The following TRRAP variants were observed in gnomAD, a reference collection of about 807,000 sequenced individuals.
TRRAP encodes the protein transformation/transcription domain-associated protein.
TRRAP carries 41 observed loss-of-function variants against 438.8 expected under a neutral mutation model. That is an observed-to-expected ratio of 0.09 (90% CI 0.07 to 0.12). TRRAP has a LOEUF of 0.12. TRRAP is among the 10% of genes least tolerant of loss of function. The pLI is 1.00. For missense variants in TRRAP, 3,122 were observed against 5,055.1 expected, an observed-to-expected ratio of 0.62 and a Z score of 11.60; for synonymous variants, 1,994 against 1,962.9, an observed-to-expected ratio of 1.02 and a Z score of -0.42.
intron 21 of TRRAP, among the ~76,000 whole-genome samples, chr7:98,923,777 C>T (rs1253971847): frequency 1.3e-5 from 2 of 152,224 alleles, no homozygotes; most frequent in Admixed American, 1.3e-4. Context: ...TCACCCTCTC[C>T]TGGTTCCTCA....
At chr7:98,905,339 C>G (rs535144760) in intron 12 of TRRAP, among the ~76,000 whole-genome samples, 1 of 152,230 alleles carries the variant, frequency 6.6e-6, no homozygotes, top group South Asian at 2.1e-4. Context: ...TTCTTTTATG[C>G]CTTTGACCCT....
intron 67 of TRRAP, chr7:98,999,514 T>C (rs1793823083): frequency 1.4e-6 from 1 of 737,696 alleles, no homozygotes. Flanking sequence ...AGAGACAATA[T>C]TGGGGTGCAC....
chr7:98,915,537 T>C (rs1213214267), intron 18 of TRRAP, among the ~76,000 whole-genome samples, 186 bp from the exon 19 acceptor site: 5 of 152,190 alleles, frequency 3.3e-5, no homozygotes, highest in Non-Finnish European at 7.4e-5. Flanking sequence ...TACCAACATA[T>C]ACTTTAAGAT....
chr7:98,912,238 T>G (rs559483610), intron 18 of TRRAP, 25 bp downstream of exon 18: 25 of 1,608,284 alleles, frequency 1.6e-5, no homozygotes, highest in Admixed American at 5.1e-5. Flanking sequence ...ATCTAAGTAG[T>G]GCTTCTGTTC....
chr7:98,953,227 T>C lies in TRRAP; in HGVS notation c.5524T>C (p.Tyr1842His). 5 of 1,613,002 alleles carry C rather than the reference T, an allele frequency of 3.1e-6. No individual in the cohort carries two copies. Among genetic ancestry groups the C allele is most frequent in the Non-Finnish European group, 3.4e-6 (4 of 1,179,890 alleles). ...LDSLRIYLLQ[Y>H]ATLLVEHAPH... ...CTCGCTGCGGATCTACCTGCTGCAGTACGCCACGCTGCTGGTGGAGCACGC... is the reference window on the plus strand; with the variant it reads ...CTCGCTGCGGATCTACCTGCTGCAGCACGCCACGCTGCTGGTGGAGCACGC... The change falls in exon 40 of 73, where the codon TAC (tyrosine) becomes CAC (histidine). Residue 1842 changes from tyrosine (Y) to histidine (H), a missense_variant. This residue lies in a region of TRRAP where 272 missense variants were observed against 348.5 expected (regional missense o/e 0.78). Coordinates refer to ENST00000456197, the MANE Select transcript of TRRAP (RefSeq NM_001375524.1).
intron 67 of TRRAP, chr7:98,999,579 G>A: frequency 4.0e-6 from 3 of 750,060 alleles, no homozygotes; most frequent in Non-Finnish European, 7.2e-6. Flanking sequence ...CACTGCCACT[G>A]TGTTCTTCCC....
rs782515379 is a variant in TRRAP, at chr7:98,921,745, AT to A, written c.2623-4del. 1 of 1,613,888 alleles carries A rather than the reference AT, an allele frequency of 6.2e-7. No homozygotes were observed. ...AGAGGACCTTAATGAAAGCACGCTG[AT>A]TTTCAGGCTCTGTGGCGCACCTTAC... On this transcript the variant is annotated splice_polypyrimidine_tract_variant and splice_region_variant and intron_variant, in intron 20 of 72. Coordinates refer to ENST00000456197, the MANE Select transcript of TRRAP (RefSeq NM_001375524.1).
chr7:98,992,867 G>A (rs559276482), intron 65 of TRRAP, among the ~76,000 whole-genome samples: 1 of 152,292 alleles, frequency 6.6e-6, no homozygotes, highest in East Asian at 1.9e-4. Context: ...AGGGCTGCAT[G>A]GCACATTTCA....
chr7:98,970,364 G>C, intron 52 of TRRAP, 73 bp downstream of exon 52: 3 of 1,535,806 alleles, frequency 2.0e-6, no homozygotes, highest in Non-Finnish European at 2.6e-6. Context: ...CAGAATCCCA[G>C]AGAGGAGGTG....
chr7:98,890,284 T>C, intron 3 of TRRAP, 51 bp from the exon 4 acceptor site: 1 of 1,219,956 alleles, frequency 8.2e-7, no homozygotes. Flanking sequence ...AAATTTGAAA[T>C]GAAAATACAT....
rs782409632 is a variant in TRRAP, at chr7:98,942,944, A to G, written c.4405-5A>G. 3.0e-5 allele frequency: 48 copies of G among 1,614,082 alleles called. No individual in the cohort carries two copies. The Admixed American group carries it at 8.0e-4, about 27-fold the overall frequency. On this transcript the variant is annotated splice_region_variant and splice_polypyrimidine_tract_variant and intron_variant, in intron 30 of 72. Coordinates refer to ENST00000456197, the MANE Select transcript of TRRAP (RefSeq NM_001375524.1). ...GTTGTGTCTCAGGATGTGTTTTTCC[A>G]ACAGCAACATCTGCGCAAGTGGATG...
At chr7:98,961,695 G>A (rs916220239) in intron 46 of TRRAP, among the ~76,000 whole-genome samples, 8 of 152,180 alleles carry the variant, frequency 5.3e-5, no homozygotes, top group East Asian at 3.9e-4. Context: ...CGAGGCGGGC[G>A]GATCACCTGA....
chr7:98,993,276 C>G (rs1468236787), intron 65 of TRRAP, among the ~76,000 whole-genome samples: 10 of 152,262 alleles, frequency 6.6e-5, no homozygotes, highest in Non-Finnish European at 2.9e-5. Context: ...TCTGCATCCT[C>G]CTAAAACACA....
chr7:98,882,050 T>A, intron 3 of TRRAP, 26 bp downstream of exon 3: 1 of 1,587,732 alleles, frequency 6.3e-7, no homozygotes. Context: ...TTTCTATTTT[T>A]CATTTTGAGG....
chr7:98,939,444 G>A (rs1315198596), intron 30 of TRRAP, among the ~76,000 whole-genome samples: 11 of 152,140 alleles, frequency 7.2e-5, no homozygotes, highest in Non-Finnish European at 1.2e-4. Flanking sequence ...CTATATGCTA[G>A]TTTCTTCATA....
intron 67 of TRRAP, among the ~76,000 whole-genome samples, chr7:99,002,925 T>C (rs993718435): frequency 6.6e-6 from 1 of 152,186 alleles, no homozygotes; most frequent in Non-Finnish European, 1.5e-5. Flanking sequence ...ATTTCATCCT[T>C]TCGGGGCAGG....
At chr7:98,927,096 A>G (rs1455745097) in intron 22 of TRRAP, 71 bp from the exon 23 acceptor site, 2 of 1,548,074 alleles carry the variant, frequency 1.3e-6, no homozygotes, top group Non-Finnish European at 1.8e-6. Flanking sequence ...AAAAATTTGA[A>G]AAGAAGTCCT....
intron 18 of TRRAP, among the ~76,000 whole-genome samples, chr7:98,913,309 GT>G (rs3216259): frequency 6.8e-5 from 10 of 147,972 alleles, no homozygotes; most frequent in Admixed American, 2.0e-4. Context: ...GTTTTTTTGG[GT>G]TTTTTTTTTG....
chr7:98,956,619 T>G lies in TRRAP; in HGVS notation c.6231+86T>G. 6.6e-7 allele frequency: 1 copy of G among 1,526,152 alleles called. No homozygotes were observed. The highest frequency in any genetic ancestry group is 8.8e-7 in the Non-Finnish European group (1 of 1,140,704). 94.5% of individuals were successfully genotyped at this position (1,526,152 alleles called of 1,614,324 possible). On this transcript the variant is annotated intron_variant, in intron 43 of 72. Transcript: ENST00000456197. This position sits in a 1 kb window ranked among gnomAD's most constrained non-coding sequence, Gnocchi z 4.5. ...CCCTATATTTAGAATGTGAGCTCGG[T>G]GCTCAGCTGCATTCAGGAGAGGAAG...
Sources: allele counts gnomAD v4.1 joint callset (sites outside exome capture counted in the v4.1 genomes callset), GRCh38; gene constraint gnomAD v4.1.1; regional missense constraint gnomAD v4.1.1; non-coding constraint Gnocchi (gnomAD v3.1); transcripts MANE v1.5; gene names NCBI Gene and HGNC (gene_info 2026-07-23, HGNC 2026-07-21).